Variants in SLCO5A1 observed in about 807,000 individuals in gnomAD.
SLCO5A1 encodes the protein organic anion transporter polypeptide-related protein 4.
A neutral mutation model predicts 65.1 loss-of-function variants in SLCO5A1; 39 were observed. The ratio of observed to expected loss-of-function variants is 0.60; its 90% CI spans 0.46 to 0.78. SLCO5A1 has a LOEUF of 0.78. Ranked by LOEUF, SLCO5A1 falls within the 30% of genes least tolerant of loss-of-function variation. The pLI, the probability that SLCO5A1 is intolerant of heterozygous loss-of-function variation, is 0.00. For missense variants in SLCO5A1, 1,029 were observed against 1,069.4 expected (o/e 0.96, Z 0.53); for synonymous variants, 438 against 415.7 (o/e 1.05, Z -0.65).
intron 6 of SLCO5A1, among the ~76,000 whole-genome samples, chr8:69,688,190 A>T (rs1333315484): frequency 2.0e-5 from 3 of 152,196 alleles, no homozygotes; most frequent in African/African-American, 7.2e-5. Flanking sequence ...ATGAACTCTA[A>T]GACTATAAAT....
At chr8:69,763,468 A>G (rs1004024839) in intron 2 of SLCO5A1, among the ~76,000 whole-genome samples, 3 of 151,860 alleles carry the variant, frequency 2.0e-5, no homozygotes, top group African/African-American at 7.3e-5. Context: ...TACAAAAATC[A>G]GCCAGGCATG....
rs1664978184 is a variant in SLCO5A1, at chr8:69,760,758, A to G, written c.1040+985T>C. Among the ~76,000 whole-genome samples the G allele has an allele frequency of 6.6e-5, 10 of 152,326 alleles. 1 individual carries two copies. The South Asian group carries it at 2.1e-3, about 32-fold the overall frequency. Reference sequence around the variant, plus strand: ...TTATCATGTTCAAGTTGAGGACTGCAAGAACTCAAACGCAACTCTGTTATT... The same window carrying G: ...TTATCATGTTCAAGTTGAGGACTGCGAGAACTCAAACGCAACTCTGTTATT... On this transcript the variant is annotated intron_variant, in intron 3 of 9. Transcript: ENST00000260126.
At chr8:69,762,178 CTTTCTTTCTTT>C (rs1817819429) in intron 2 of SLCO5A1, among the ~76,000 whole-genome samples, 1 of 60,856 alleles carries the variant, frequency 1.6e-5, no homozygotes, top group Non-Finnish European at 3.5e-5. Context: ...TTCTTTCTTT[CTTTCTTTCTTT>C]CTTTCTTTCT....
At chr8:69,771,067 C>T (rs565881533) in intron 2 of SLCO5A1, among the ~76,000 whole-genome samples, 30 of 152,254 alleles carry the variant, frequency 2.0e-4, no homozygotes, top group Admixed American at 1.4e-3. Flanking sequence ...TCACTGCAAC[C>T]TCCGCCTCCC....
intron 2 of SLCO5A1, among the ~76,000 whole-genome samples, chr8:69,768,209 G>GCAAGGT (rs1818162407): frequency 1.3e-5 from 2 of 152,210 alleles, no homozygotes; most frequent in South Asian, 4.1e-4. Flanking sequence ...TCCAGCCTGT[G>GCAAGGT]CAACAGAGTA....
chr8:69,742,031 T>C (rs544861867), intron 4 of SLCO5A1, among the ~76,000 whole-genome samples: 3 of 152,318 alleles, frequency 2.0e-5, no homozygotes, highest in Non-Finnish European at 2.9e-5. Flanking sequence ...CTGATTCTTA[T>C]GGCTGTCCTG....
intron 2 of SLCO5A1, among the ~76,000 whole-genome samples, chr8:69,826,556 A>C (rs1820924950): frequency 6.6e-6 from 1 of 152,178 alleles, no homozygotes; most frequent in Non-Finnish European, 1.5e-5. Context: ...GCCATCAGAG[A>C]AATGCAAATC....
At chr8:69,765,179 TATATGTGTGC>T (rs1818000035) in intron 2 of SLCO5A1, among the ~76,000 whole-genome samples, 1 of 152,166 alleles carries the variant, frequency 6.6e-6, no homozygotes, top group African/African-American at 2.4e-5. Context: ...TATATGTATG[TATATGTGTGC>T]CTGTGTGTAT....
chr8:69,747,388 C>G (rs1382353427), intron 4 of SLCO5A1, among the ~76,000 whole-genome samples: 1 of 151,814 alleles, frequency 6.6e-6, no homozygotes, highest in African/African-American at 2.4e-5. Flanking sequence ...ATTCTGCATC[C>G]ATGGATTCAA....
At chr8:69,809,756 T>G (rs1171939570) in intron 2 of SLCO5A1, among the ~76,000 whole-genome samples, 2 of 146,640 alleles carry the variant, frequency 1.4e-5, no homozygotes, top group East Asian at 2.0e-4. Context: ...GTGTGTGTGT[T>G]TTGTGAGGAG....
intron 5 of SLCO5A1, among the ~76,000 whole-genome samples, chr8:69,710,082 G>A (rs1433435003): frequency 6.7e-6 from 1 of 149,100 alleles, no homozygotes; most frequent in Non-Finnish European, 1.5e-5. Flanking sequence ...GCAGTGGTGT[G>A]AGCTCGGCTC....
intron 1 of SLCO5A1, 120 bp from the exon 2 acceptor site, chr8:69,833,289 G>C (rs1015531681): frequency 2.0e-5 from 3 of 152,428 alleles, no homozygotes; most frequent in African/African-American, 7.2e-5. Flanking sequence ...GGAGGAGCTA[G>C]TCAGGAGCGG....
intron 6 of SLCO5A1, among the ~76,000 whole-genome samples, chr8:69,695,733 C>G (rs1814471742): frequency 6.6e-6 from 1 of 151,876 alleles, no homozygotes; most frequent in Non-Finnish European, 1.5e-5. Flanking sequence ...AATTTTTTTG[C>G]AAGGTCACAC....
At chr8:69,716,862 C>T (rs759531649) in intron 5 of SLCO5A1, among the ~76,000 whole-genome samples, 28 of 151,612 alleles carry the variant, frequency 1.8e-4, no homozygotes, top group Admixed American at 4.6e-4. Flanking sequence ...TCACTGTAGT[C>T]GCAATCTCCC....
intron 2 of SLCO5A1, among the ~76,000 whole-genome samples, chr8:69,798,712 G>T (rs926020615): frequency 6.6e-6 from 1 of 152,154 alleles, no homozygotes; most frequent in Non-Finnish European, 1.5e-5. Context: ...CCAAGCCATA[G>T]CACCAGTCCA....
Position 69,832,943 on chromosome 8 carries a change from C to G in SLCO5A1, c.-270G>C. The G allele has an allele frequency of 2.3e-6, 1 of 442,078 alleles. No homozygotes were observed. The highest frequency in any genetic ancestry group is 3.9e-6 in the Non-Finnish European group (1 of 255,500). 27.4% of individuals were successfully genotyped at this position (442,078 alleles called of 1,614,324 possible). A position where few individuals can be genotyped will look rare whatever the true frequency, so the allele number is the denominator to read the frequency against. On this transcript the variant is annotated 5_prime_UTR_variant, in exon 2 of 10. Coordinates refer to ENST00000260126, the MANE Select transcript of SLCO5A1 (RefSeq NM_030958.3). This position sits in a 1 kb window ranked among gnomAD's most constrained non-coding sequence, Gnocchi z 4.5. ...GCGATGAGCCCTACTCGGCGTCCCT[C>G]TCCGGGCGGTAGCTTGAGGCAGGCG...
chr8:69,832,641 C>A lies in SLCO5A1; in HGVS notation c.33G>T (p.Ala11=), dbSNP rs758070321. MDEGTGLQPG[A]GEQLEAPATA... is the part of the protein sequence containing the mutation. The stretch of plus-strand genomic sequence containing the variant: ...TGGCCGGCGCCTCCAGCTGCTCTCC[C>A]GCCCCGGGCTGCAGTCCAGTGCCTT... The change falls in exon 2 of 10, where the codon GCG becomes GCT. Residue 11 remains alanine, a synonymous_variant. Coordinates refer to ENST00000260126, the MANE Select transcript of SLCO5A1 (RefSeq NM_030958.3). This position sits in a 1 kb window ranked among gnomAD's most constrained non-coding sequence, Gnocchi z 4.5. 1 of 1,607,264 alleles carries A rather than the reference C, an allele frequency of 6.2e-7. No individual in the cohort carries two copies. The highest frequency in any genetic ancestry group is 1.7e-5 in the Admixed American group (1 of 59,888).
At position 69,831,855 on chromosome 8, in the gene SLCO5A1, G is replaced by A. The variant is rs868456522; in HGVS notation, c.819C>T (p.Leu273=). ...YVALFICAQI[L]IGMGSTPIYT... ...AAATAGGTGTGGAGCCCATTCCAATGAGAATCTGCGCGCAAATGAATAAAG... is the reference window on the plus strand; with the variant it reads ...AAATAGGTGTGGAGCCCATTCCAATAAGAATCTGCGCGCAAATGAATAAAG... The change falls in exon 2 of 10, where the codon CTC becomes CTT. Residue 273 remains leucine (L), a synonymous_variant. Transcript: ENST00000260126. The A allele has an allele frequency of 6.2e-7, 1 of 1,613,668 alleles. No individual in the cohort carries two copies. The highest frequency in any genetic ancestry group is 2.2e-5 in the East Asian group (1 of 44,876).
intron 5 of SLCO5A1, among the ~76,000 whole-genome samples, chr8:69,732,526 T>G (rs73686138): frequency 0.017 from 2,580 of 152,116 alleles, 83 homozygotes; most frequent in African/African-American, 0.058. Flanking sequence ...TAAATCGAAA[T>G]GATGACAACA....
Sources: gnomAD v4.1 joint callset for allele counts (sites outside exome capture counted in the v4.1 genomes callset) on GRCh38, gnomAD v4.1.1 for gene constraint, Gnocchi (gnomAD v3.1) non-coding constraint, MANE v1.5 for transcripts, NCBI Gene and HGNC (gene_info 2026-07-23, HGNC 2026-07-21) for gene names.